Variants in KALRN observed in about 807,000 individuals in gnomAD.
KALRN encodes kalirin RhoGEF kinase, also known as kalirin.
KALRN carries 70 observed loss-of-function variants against 353.7 expected under a neutral mutation model. The ratio of observed to expected loss-of-function variants is 0.20; its 90% CI spans 0.16 to 0.24. The LOEUF is 0.24. Among genes scored for constraint, KALRN ranks in the 10% least tolerant of loss-of-function variants. The pLI, the probability that KALRN is intolerant of heterozygous loss-of-function variation, is 1.00. For missense variants in KALRN, 2,791 were observed against 3,756.7 expected (o/e 0.74, Z 6.72); for synonymous variants, 1,391 against 1,434.8 (o/e 0.97, Z 0.69).
chr3:124,492,273 G>T (rs755010491), intron 31 of KALRN, among the ~76,000 whole-genome samples: 1 of 152,206 alleles, frequency 6.6e-6, no homozygotes, highest in Non-Finnish European at 1.5e-5. Context: ...CACAAACCCA[G>T]GACTGATTTC....
chr3:124,509,148 TG>T (rs1389466548), intron 33 of KALRN, among the ~76,000 whole-genome samples: 1 of 152,230 alleles, frequency 6.6e-6, no homozygotes, highest in Non-Finnish European at 1.5e-5. Flanking sequence ...TTTGATATTC[TG>T]AAGGCTATAC....
At chr3:124,329,789 C>T in intron 7 of KALRN, 72 bp from the exon 8 acceptor site, 1 of 1,531,254 alleles carries the variant, frequency 6.5e-7, no homozygotes, top group Non-Finnish European at 8.9e-7. Context: ...GGTATCTGAC[C>T]CTCTCTCCAT....
At chr3:124,147,442 G>C (rs1472162618) in intron 1 of KALRN, among the ~76,000 whole-genome samples, 1 of 152,134 alleles carries the variant, frequency 6.6e-6, no homozygotes, top group Non-Finnish European at 1.5e-5. Context: ...TATTTGAGTA[G>C]GTGGACCTAT....
chr3:124,313,410 G>A (rs1443623385), intron 6 of KALRN, among the ~76,000 whole-genome samples: 1 of 152,220 alleles, frequency 6.6e-6, no homozygotes, highest in African/African-American at 2.4e-5. Context: ...TATCAATCAA[G>A]TTGAACAGGA....
At chr3:124,688,380 G>A (rs982315924) in intron 51 of KALRN, among the ~76,000 whole-genome samples, 1 of 150,926 alleles carries the variant, frequency 6.6e-6, no homozygotes, top group Middle Eastern at 3.2e-3. Context: ...GTCCAGTTTG[G>A]CCAGATTGAA....
At chr3:124,044,646 A>C (rs2040261189) in intron 1 of KALRN, among the ~76,000 whole-genome samples, 1 of 151,820 alleles carries the variant, frequency 6.6e-6, no homozygotes, top group Admixed American at 6.6e-5. Flanking sequence ...TGCTCATGTT[A>C]ATAGATATAT....
chr3:124,135,335 A>G lies in KALRN; in HGVS notation c.74-92655A>G, dbSNP rs186820279. 6.9e-4 allele frequency among the ~76,000 whole-genome samples: 105 copies of G among 152,280 alleles called. No homozygotes were observed. The South Asian group carries it at 0.014, about 20-fold the overall frequency. On this transcript the variant is annotated intron_variant, in intron 1 of 59. Transcript: ENST00000682506. The stretch of plus-strand genomic sequence containing the variant: ...TGTGGGAGCTAAGCTATGAGGACAC[A>G]AAGGCATAAGAATGATACAGTGGAC...
chr3:124,588,408 G>A (rs1347689461), intron 34 of KALRN, among the ~76,000 whole-genome samples: 1 of 152,156 alleles, frequency 6.6e-6, no homozygotes, highest in Non-Finnish European at 1.5e-5. Context: ...GACCTTTCTA[G>A]GTAGAAGCCA....
At chr3:124,158,719 T>C (rs2069413364) in intron 1 of KALRN, among the ~76,000 whole-genome samples, 1 of 152,146 alleles carries the variant, frequency 6.6e-6, no homozygotes, top group Non-Finnish European at 1.5e-5. Flanking sequence ...ATGGCTATAT[T>C]GATTGCAGAG....
intron 33 of KALRN, among the ~76,000 whole-genome samples, chr3:124,501,522 A>C (rs1398123170): frequency 6.6e-6 from 1 of 152,224 alleles, no homozygotes; most frequent in African/African-American, 2.4e-5. Context: ...AATTCAAAGG[A>C]TTCCTGCAGT....
intron 1 of KALRN, among the ~76,000 whole-genome samples, chr3:124,058,838 A>G (rs963612112): frequency 2.6e-5 from 4 of 152,218 alleles, no homozygotes; most frequent in South Asian, 2.1e-4. Flanking sequence ...TTTATTTTAT[A>G]TATTTGTATA....
chr3:124,530,545 CCA>C (rs1291500102), intron 33 of KALRN, among the ~76,000 whole-genome samples: 1 of 152,098 alleles, frequency 6.6e-6, no homozygotes, highest in African/African-American at 2.4e-5. Flanking sequence ...ATGTGTACCA[CCA>C]CACTTAACTA....
chr3:124,215,689 C>A (rs1399272754), intron 1 of KALRN, among the ~76,000 whole-genome samples: 1 of 152,132 alleles, frequency 6.6e-6, no homozygotes, highest in African/African-American at 2.4e-5. Context: ...AATACTGGAG[C>A]TGGGAGTCAG....
At chr3:124,343,629 C>T (rs1189722848) in intron 9 of KALRN, among the ~76,000 whole-genome samples, 1 of 152,206 alleles carries the variant, frequency 6.6e-6, no homozygotes, top group East Asian at 1.9e-4. Flanking sequence ...CCTATGCAAG[C>T]CATGCTGGTC....
intron 1 of KALRN, among the ~76,000 whole-genome samples, chr3:124,067,106 T>C (rs925608527): frequency 2.0e-5 from 3 of 152,206 alleles, no homozygotes; most frequent in Admixed American, 2.0e-4. Context: ...TTCCTTCAGA[T>C]AAGAAAACAG....
In KALRN at chr3:124,469,514, G is replaced by T. The variant is rs78789181; in HGVS notation, c.4032-5149G>T. On this transcript the variant is annotated intron_variant, in intron 25 of 59. Transcript: ENST00000682506. ...ATGGTCTAGAGCCTCTTATGTTCTA[G>T]GCTCTGAATCTGCCTGGTCATTAAT... is the stretch of plus-strand genomic sequence containing the variant. Among the ~76,000 whole-genome samples the T allele has an allele frequency of 2.0e-3, 308 of 152,294 alleles. 1 individual carries two copies. The highest frequency in any genetic ancestry group is 6.5e-3 in the African/African-American group (271 of 41,564).
intron 35 of KALRN, among the ~76,000 whole-genome samples, chr3:124,633,565 G>C (rs1021672275): frequency 2.0e-5 from 3 of 152,144 alleles, no homozygotes; most frequent in African/African-American, 7.2e-5. Flanking sequence ...GGCTCTCTCT[G>C]ACTACTTCCA....
intron 34 of KALRN, among the ~76,000 whole-genome samples, chr3:124,563,715 G>A (rs2072352279): frequency 6.6e-6 from 1 of 152,208 alleles, no homozygotes; most frequent in South Asian, 2.1e-4. Context: ...ATGCCAGGGA[G>A]ACTAAACTCC....
chr3:124,167,753 G>C (rs1243851329), intron 1 of KALRN, among the ~76,000 whole-genome samples: 1 of 152,220 alleles, frequency 6.6e-6, no homozygotes. Context: ...CCATAGAGTA[G>C]CCAATAGTCA....
Sources: allele counts gnomAD v4.1 joint callset (sites outside exome capture counted in the v4.1 genomes callset), GRCh38; gene constraint gnomAD v4.1.1; transcripts MANE v1.5; gene names NCBI Gene and HGNC (gene_info 2026-07-23, HGNC 2026-07-21).